GMDS: variants seen among roughly 807,000 people sequenced by gnomAD.
GMDS encodes GDP-mannose 4,6 dehydratase.
In GMDS, 20 loss-of-function variants were observed where a neutral mutation model predicts 49.9. The observed-to-expected ratio is 0.40, with a 90% CI of 0.28 to 0.58. The LOEUF is 0.58. Ranked by LOEUF, GMDS falls within the 20% of genes least tolerant of loss-of-function variation. The probability of loss-of-function intolerance (pLI) is 0.42; values close to 1 mark genes in which losing one functional copy is unlikely to be tolerated. For synonymous variants in GMDS, 177 were observed against 178.6 expected, an observed-to-expected ratio of 0.99 and a Z score of 0.07; for missense variants, 362 against 481.4, an observed-to-expected ratio of 0.75 and a Z score of 2.32.
At chr6:1,761,496 A>G (rs1271409611) in intron 7 of GMDS, among the ~76,000 whole-genome samples, 9 of 152,236 alleles carry the variant, frequency 5.9e-5, no homozygotes. Flanking sequence ...GTCTAATACT[A>G]TACAGCACCA....
intron 7 of GMDS, among the ~76,000 whole-genome samples, chr6:1,772,501 T>C (rs545119605): frequency 6.6e-6 from 1 of 152,344 alleles, no homozygotes; most frequent in South Asian, 2.1e-4. Flanking sequence ...TGGTTAGACA[T>C]TTTACAAATT....
At chr6:1,953,289 C>T (rs989781799) in intron 6 of GMDS, among the ~76,000 whole-genome samples, 3 of 152,080 alleles carry the variant, frequency 2.0e-5, no homozygotes, top group African/African-American at 7.2e-5. Context: ...TAATTCTACA[C>T]TCATACTGAA....
intron 4 of GMDS, among the ~76,000 whole-genome samples, chr6:1,980,767 T>C (rs1445747739): frequency 1.3e-5 from 2 of 152,076 alleles, no homozygotes; most frequent in East Asian, 3.8e-4. Flanking sequence ...AGACTTACTC[T>C]AAAATTAATC....
intron 7 of GMDS, among the ~76,000 whole-genome samples, chr6:1,916,955 T>C (rs915898917): frequency 6.6e-6 from 1 of 151,960 alleles, no homozygotes; most frequent in East Asian, 1.9e-4. Flanking sequence ...ACAGAATGGA[T>C]ATCTTCTTCA....
chr6:2,145,660 T>TA (rs1234809007), intron 1 of GMDS, among the ~76,000 whole-genome samples: 22 of 151,940 alleles, frequency 1.4e-4, no homozygotes, highest in African/African-American at 5.3e-4. Context: ...AAACAAACAA[T>TA]AAAAAAACAG....
chr6:1,930,427 ATG>A (rs1024272712), intron 6 of GMDS, 197 bp from the exon 7 acceptor site: 7 of 466,628 alleles, frequency 1.5e-5, no homozygotes, highest in African/African-American at 1.4e-4. Context: ...CCCTAATTCC[ATG>A]TGTCACATCA....
At chr6:1,695,342 G>A (rs1765302292) in intron 9 of GMDS, among the ~76,000 whole-genome samples, 1 of 152,188 alleles carries the variant, frequency 6.6e-6, no homozygotes, top group South Asian at 2.1e-4. Flanking sequence ...ACGGTAGAAT[G>A]AAATTCAACT....
chr6:1,957,546 G>A (rs1763709535), intron 6 of GMDS, among the ~76,000 whole-genome samples: 1 of 152,082 alleles, frequency 6.6e-6, no homozygotes, highest in Admixed American at 6.5e-5. Context: ...TGATTTCCAG[G>A]CATATAATAA....
chr6:1,975,690 C>A (rs151181969), intron 4 of GMDS, among the ~76,000 whole-genome samples: 2 of 152,092 alleles, frequency 1.3e-5, no homozygotes, highest in East Asian at 1.9e-4. Context: ...CTTGGGGCTA[C>A]CTAAAGGACT....
chr6:1,958,115 GT>G (rs35647807), intron 6 of GMDS, among the ~76,000 whole-genome samples: 73,464 of 129,388 alleles, frequency 0.57, 19,345 homozygotes, highest in East Asian at 0.63. Context: ...CTTAAAATAT[GT>G]TTTTTTTTTT....
At chr6:1,978,192 C>A (rs1221135509) in intron 4 of GMDS, among the ~76,000 whole-genome samples, 1 of 152,126 alleles carries the variant, frequency 6.6e-6, no homozygotes, top group African/African-American at 2.4e-5. Context: ...AGGGTCCCCC[C>A]AGCAGTGAAC....
intron 9 of GMDS, chr6:1,626,266 C>T (rs528810787): frequency 2.6e-5 from 4 of 152,326 alleles, no homozygotes; most frequent in African/African-American, 4.8e-5. Context: ...CTTTGCATTT[C>T]GCAATACACT....
At chr6:1,663,201 A>AG (rs1490889280) in intron 9 of GMDS, among the ~76,000 whole-genome samples, 1 of 152,256 alleles carries the variant, frequency 6.6e-6, no homozygotes, top group East Asian at 1.9e-4. Context: ...GGAAAGGGAG[A>AG]GAAATTCAAC....
chr6:2,061,184 C>G (rs1036956710), intron 4 of GMDS, among the ~76,000 whole-genome samples: 4 of 151,982 alleles, frequency 2.6e-5, no homozygotes, highest in African/African-American at 9.7e-5. Flanking sequence ...AGGAAAAGGA[C>G]GGGAAACGAA....
intron 6 of GMDS, among the ~76,000 whole-genome samples, chr6:1,942,656 G>T (rs1762875097): frequency 6.6e-6 from 1 of 152,156 alleles, no homozygotes; most frequent in African/African-American, 2.4e-5. Flanking sequence ...AAAAGATGAG[G>T]CCAAGACAGA....
chr6:1,758,743 C>A (rs1183846197), intron 7 of GMDS, among the ~76,000 whole-genome samples: 2 of 152,192 alleles, frequency 1.3e-5, no homozygotes, highest in African/African-American at 4.8e-5. Flanking sequence ...GAATCAGAAA[C>A]CCGCGTCTAA....
chr6:2,071,845 C>T (rs1372044473), intron 4 of GMDS, among the ~76,000 whole-genome samples: 1 of 152,120 alleles, frequency 6.6e-6, no homozygotes, highest in African/African-American at 2.4e-5. Flanking sequence ...GCTGCTTATG[C>T]CAATGTTTCT....
intron 4 of GMDS, among the ~76,000 whole-genome samples, chr6:1,991,383 G>A (rs1056132120): frequency 2.0e-5 from 3 of 151,868 alleles, no homozygotes; most frequent in Admixed American, 6.6e-5. Flanking sequence ...TCCCCACATC[G>A]TCACCCACCC....
chr6:1,893,513 C>T (rs979950523), intron 7 of GMDS, among the ~76,000 whole-genome samples: 2 of 152,154 alleles, frequency 1.3e-5, no homozygotes, highest in Non-Finnish European at 1.5e-5. Context: ...TGCTTTGCTG[C>T]CGCAACCTTC....
Sources: gnomAD v4.1 joint callset for allele counts (sites outside exome capture counted in the v4.1 genomes callset) on GRCh38, gnomAD v4.1.1 for gene constraint, MANE v1.5 for transcripts, NCBI Gene and HGNC (gene_info 2026-07-23, HGNC 2026-07-21) for gene names.